SLC35E3: variants seen among roughly 807,000 people sequenced by gnomAD.
The protein encoded by SLC35E3 is bladder cancer-overexpressed gene 1 protein.
In SLC35E3, 28 loss-of-function variants were observed where a neutral mutation model predicts 30.8. The ratio of observed to expected loss-of-function variants is 0.91; its 90% CI spans 0.67 to 1.25. SLC35E3 has a LOEUF of 1.25. Ranked by LOEUF, SLC35E3 falls within the 50% of genes most tolerant of loss-of-function variation. The pLI is 0.00. For missense variants in SLC35E3, 365 were observed against 375.4 expected (o/e 0.97, Z 0.23); for synonymous variants, 146 against 149.2 (o/e 0.98, Z 0.16).
chr12:68,779,476 G>T lies in SLC35E3; in HGVS notation c.*14586G>T, dbSNP rs1264630278. The T allele has an allele frequency of 6.7e-6, 1 of 149,566 alleles. No individual in the cohort carries two copies. Among genetic ancestry groups the T allele is most frequent in the African/African-American group, 2.5e-5 (1 of 40,678 alleles). 9.3% of individuals were successfully genotyped at this position (149,566 alleles called of 1,614,324 possible). Reference sequence around the variant, plus strand: ...AGAAGTCTCTGAAGTCACTCCAGGTGATATTAAAAGTACAGTGCTAGGACT... The same window carrying T: ...AGAAGTCTCTGAAGTCACTCCAGGTTATATTAAAAGTACAGTGCTAGGACT... On this transcript the variant is annotated 3_prime_UTR_variant, in exon 5 of 5. Coordinates refer to ENST00000398004, the MANE Select transcript of SLC35E3 (RefSeq NM_018656.5).
In SLC35E3 at chr12:68,752,065, A is replaced by G; in HGVS notation, c.547A>G (p.Asn183Asp). 1 of 1,609,206 alleles carries G rather than the reference A, an allele frequency of 6.2e-7. No homozygotes were observed. Among genetic ancestry groups the G allele is most frequent in the Non-Finnish European group, 8.5e-7 (1 of 1,178,790 alleles). The part of the protein sequence containing the change: ...VGAKQHELQV[N>D]SMQLLYYQAP... ...AGCCAAACAGCATGAATTACAAGTG[A>G]ACTCAATGCAGCTGCTGTACTACCA... The change falls in exon 3 of 5, where the codon AAC (asparagine) becomes GAC (aspartate). Residue 183 changes from asparagine to aspartate, a missense_variant. Coordinates refer to ENST00000398004, the MANE Select transcript of SLC35E3 (RefSeq NM_018656.5).
intron 3 of SLC35E3, among the ~76,000 whole-genome samples, chr12:68,754,230 A>G (rs1878919222): frequency 6.6e-6 from 1 of 151,642 alleles, no homozygotes; most frequent in African/African-American, 2.4e-5. Flanking sequence ...TCTCCTAAAA[A>G]TCTCTCCAAA....
chr12:68,764,445 C>T (rs547081748), intron 4 of SLC35E3, among the ~76,000 whole-genome samples: 1 of 152,156 alleles, frequency 6.6e-6, no homozygotes, highest in East Asian at 1.9e-4. Flanking sequence ...TGTGCCACCA[C>T]GCCCAGCTAA....
intron 3 of SLC35E3, among the ~76,000 whole-genome samples, chr12:68,757,849 A>C (rs1219314429): frequency 6.6e-6 from 1 of 152,150 alleles, no homozygotes; most frequent in East Asian, 1.9e-4. Context: ...GCACTTTGGG[A>C]GGCCAAGGGG....
intron 4 of SLC35E3, among the ~76,000 whole-genome samples, chr12:68,761,484 T>C (rs976443216): frequency 6.6e-6 from 1 of 152,218 alleles, no homozygotes; most frequent in Non-Finnish European, 1.5e-5. Flanking sequence ...CTGTTGACTT[T>C]TTGGGCTAGA....
At position 68,777,214 on chromosome 12, in the gene SLC35E3, A is replaced by C. The variant is rs1286733925; in HGVS notation, c.*12324A>C. 6.6e-6 allele frequency: 1 copy of C among 152,204 alleles called. No individual in the cohort carries two copies. The highest frequency in any genetic ancestry group is 2.1e-4 in the South Asian group (1 of 4,830). The allele number at this position is 152,204 out of a possible 1,614,324, so 9.4% of individuals were successfully genotyped here. A position where few individuals can be genotyped will look rare whatever the true frequency, so the allele number is the denominator to read the frequency against. ...GCTGCATCAGAGGCCTCCCAGTGCC[A>C]TAGGACCATGGACATTGGTGAGCAA... On this transcript the variant is annotated 3_prime_UTR_variant, in exon 5 of 5. Transcript: ENST00000398004.
Position 68,746,521 on chromosome 12 carries a change from G to C in SLC35E3, c.144G>C (p.Leu48=), listed in dbSNP as rs1437331018. 6.2e-7 allele frequency: 1 copy of C among 1,614,230 alleles called. No individual in the cohort carries two copies. Among genetic ancestry groups the C allele is most frequent in the South Asian group, 1.1e-5 (1 of 91,086 alleles). The change falls in exon 1 of 5, where the codon CTG becomes CTC. Residue 48 remains leucine, a synonymous_variant. Transcript: ENST00000398004. ...YHGFPNMSLT[L]VHFVVTWLGL... ...GCTTCCCCAACATGAGCCTGACCCT[G>C]GTGCACTTCGTGGTCACCTGGCTGG...
chr12:68,765,764 T>C lies in SLC35E3; in HGVS notation c.*874T>C, dbSNP rs938055712. 1 of 151,484 alleles carries C rather than the reference T, an allele frequency of 6.6e-6. No individual in the cohort carries two copies. Among genetic ancestry groups the C allele is most frequent in the African/African-American group, 2.4e-5 (1 of 41,186 alleles). 9.4% of individuals were successfully genotyped at this position (151,484 alleles called of 1,614,324 possible). On this transcript the variant is annotated 3_prime_UTR_variant, in exon 5 of 5. Coordinates refer to ENST00000398004, the MANE Select transcript of SLC35E3 (RefSeq NM_018656.5). Reference sequence around the variant, plus strand: ...ATATATATATGGATATGGTTATATATATGGGATGGTTTGGTTGGTCCCAGC... The same window carrying C: ...ATATATATATGGATATGGTTATATACATGGGATGGTTTGGTTGGTCCCAGC...
In SLC35E3 at chr12:68,774,766, C is replaced by CAAA. The variant is rs71091557; in HGVS notation, c.*9886_*9888dup. ...AACAAACAAAACAAACAAAAATAAG[C>CAAA]AAAAAAAAAAAAGTGTTGAGCAGCT... On this transcript the variant is annotated 3_prime_UTR_variant, in exon 5 of 5. Transcript: ENST00000398004. 252 of 122,448 alleles carry CAAA rather than the reference C, an allele frequency of 2.1e-3. No homozygotes were observed. The highest frequency in any genetic ancestry group is 7.8e-3 in the African/African-American group (242 of 31,172). The allele number at this position is 122,448 out of a possible 1,614,324, so 7.6% of individuals were successfully genotyped here. A position where few individuals can be genotyped will look rare whatever the true frequency, so the allele number is the denominator to read the frequency against.
chr12:68,749,392 C>A (rs1486471831), intron 2 of SLC35E3, among the ~76,000 whole-genome samples: 2 of 152,182 alleles, frequency 1.3e-5, no homozygotes, highest in Admixed American at 1.3e-4. Context: ...TCTTATACTG[C>A]TGGAGACATT....
chr12:68,754,213 A>C (rs1878918882), intron 3 of SLC35E3, among the ~76,000 whole-genome samples: 2 of 152,124 alleles, frequency 1.3e-5, no homozygotes, highest in African/African-American at 4.8e-5. Context: ...TTTCTGACTT[A>C]ATAATATCTC....
Position 68,746,739 on chromosome 12 carries a change from G to A in SLC35E3, c.362G>A (p.Cys121Tyr). 1 of 1,602,442 alleles carries A rather than the reference G, an allele frequency of 6.2e-7. No individual in the cohort carries two copies. The highest frequency in any genetic ancestry group is 8.5e-7 in the Non-Finnish European group (1 of 1,172,648). The change falls in exon 1 of 5, where the codon TGC becomes TAC. Residue 121 changes from cysteine (C) to tyrosine (Y), a missense_variant. Coordinates refer to ENST00000398004, the MANE Select transcript of SLC35E3 (RefSeq NM_018656.5). ...GTGATCATAGCCATCCAGACCTTCTGCTACCAGAAAACCTTCTCCACCAGA... is the reference window on the plus strand; with the variant it reads ...GTGATCATAGCCATCCAGACCTTCTACTACCAGAAAACCTTCTCCACCAGA... The part of the protein sequence containing the change: ...TPVIIAIQTF[C>Y]YQKTFSTRIQ...
chr12:68,759,118 C>T lies in SLC35E3; in HGVS notation c.673-39C>T, dbSNP rs1395954723. 2.3e-6 allele frequency: 3 copies of T among 1,283,978 alleles called. No individual in the cohort carries two copies. The African/African-American group carries it at 4.4e-5, about 19-fold the overall frequency. 79.5% of individuals were successfully genotyped at this position (1,283,978 alleles called of 1,614,324 possible). A position where few individuals can be genotyped will look rare whatever the true frequency, so the allele number is the denominator to read the frequency against. ...TATCTTTGCTTGATGATTATGATTG[C>T]AGTGCTTTGCATTAATGGTTCTTTT... On this transcript the variant is annotated intron_variant, in intron 3 of 4. Coordinates refer to ENST00000398004, the MANE Select transcript of SLC35E3 (RefSeq NM_018656.5).
rs374369822 is a variant in SLC35E3 at position 68,752,235 on chromosome 12, A to G, written c.672+45A>G. ...ATATCTAAGAAACAGTATAATAATA[A>G]CTCCTCCATTATTAATGTAATTTTT... On this transcript the variant is annotated intron_variant, in intron 3 of 4. Coordinates refer to ENST00000398004, the MANE Select transcript of SLC35E3 (RefSeq NM_018656.5). 2.0e-6 allele frequency: 3 copies of G among 1,482,914 alleles called. No individual in the cohort carries two copies. In the African/African-American group the frequency reaches 4.2e-5, roughly 21 times the overall value. The allele number at this position is 1,482,914 out of a possible 1,614,324, so 91.9% of individuals were successfully genotyped here.
intron 2 of SLC35E3, 43 bp from the exon 3 acceptor site, chr12:68,751,989 C>T (rs781298887): frequency 3.9e-6 from 6 of 1,532,648 alleles, no homozygotes; most frequent in African/African-American, 1.4e-5. Context: ...TTATGTGATA[C>T]TATTTCTTTT....
In SLC35E3 at chr12:68,748,895, G is replaced by A. The variant is rs144157789; in HGVS notation, c.513+855G>A. Among the ~76,000 whole-genome samples the A allele has an allele frequency of 9.3e-3, 1,423 of 152,270 alleles. 12 individuals are homozygous for A. Among genetic ancestry groups the A allele is most frequent in the South Asian group, 0.021 (102 of 4,834 alleles). On this transcript the variant is annotated intron_variant, in intron 2 of 4. Transcript: ENST00000398004. The stretch of plus-strand genomic sequence containing the variant: ...TTGAAATTTTAGGAGTTCAGTAATA[G>A]AGCCCTGGCATCTTAAACATTCTAG...
chr12:68,757,410 T>G (rs1879061837), intron 3 of SLC35E3, among the ~76,000 whole-genome samples: 1 of 152,268 alleles, frequency 6.6e-6, no homozygotes, highest in Admixed American at 6.5e-5. Context: ...AATATCATTT[T>G]ATCTAAATTC....
In SLC35E3 at chr12:68,746,357, G is replaced by T; in HGVS notation, c.-21G>T. The stretch of plus-strand genomic sequence containing the variant: ...CCCGGCGCCCCTTCCGAGGCTAGAC[G>T]GCCCCAGCTTCGCGGGGATCATGGC... On this transcript the variant is annotated 5_prime_UTR_variant, in exon 1 of 5. Coordinates refer to ENST00000398004, the MANE Select transcript of SLC35E3 (RefSeq NM_018656.5). The T allele has an allele frequency of 1.3e-6, 2 of 1,542,668 alleles. No homozygotes were observed. The highest frequency in any genetic ancestry group is 1.7e-6 in the Non-Finnish European group (2 of 1,144,986).
rs1879718192 is a variant in SLC35E3, at chr12:68,775,589, C to T, written c.*10699C>T. 1 of 152,174 alleles carries T rather than the reference C, an allele frequency of 6.6e-6. No homozygotes were observed. The highest frequency in any genetic ancestry group is 2.4e-5 in the African/African-American group (1 of 41,450). The allele number at this position is 152,174 out of a possible 1,614,324, so 9.4% of individuals were successfully genotyped here. On this transcript the variant is annotated 3_prime_UTR_variant, in exon 5 of 5. Coordinates refer to ENST00000398004, the MANE Select transcript of SLC35E3 (RefSeq NM_018656.5). ...TAAAGGCGCCATCTCTCAATATTGC[C>T]ACATTGGGGATGTTTCCAGATGAGT...
Sources: allele counts gnomAD v4.1 joint callset (sites outside exome capture counted in the v4.1 genomes callset), GRCh38; gene constraint gnomAD v4.1.1; transcripts MANE v1.5; gene names NCBI Gene and HGNC (gene_info 2026-07-23, HGNC 2026-07-21).